The following RFX3 variants were observed in gnomAD, a reference collection of about 807,000 sequenced individuals.
RFX3 encodes the protein transcription factor RFX3.
Under a neutral mutation model 98.6 loss-of-function variants are expected in RFX3, and 14 were observed. The ratio of observed to expected loss-of-function variants is 0.14; its 90% CI spans 0.09 to 0.22. RFX3 has a LOEUF of 0.22. RFX3 is among the 10% of genes least tolerant of loss of function. The pLI, the probability that RFX3 is intolerant of heterozygous loss-of-function variation, is 1.00. For synonymous variants in RFX3, 383 were observed against 328.4 expected (o/e 1.17, Z -1.80); for missense variants, 639 against 926.9 (o/e 0.69, Z 4.03).
intron 15 of RFX3, among the ~76,000 whole-genome samples, chr9:3,237,937 C>T (rs567251687): frequency 2.7e-5 from 4 of 149,562 alleles, no homozygotes; most frequent in African/African-American, 9.9e-5. Context: ...TGTGCCACTG[C>T]ACTCCAGCTT....
At chr9:3,491,219 G>A (rs1157074463) in intron 1 of RFX3, among the ~76,000 whole-genome samples, 1 of 152,084 alleles carries the variant, frequency 6.6e-6, no homozygotes, top group African/African-American at 2.4e-5. Flanking sequence ...GAGATTACTT[G>A]AAGAAGACAG....
chr9:3,285,048 CAAT>C (rs1826399712), intron 7 of RFX3, among the ~76,000 whole-genome samples: 1 of 151,744 alleles, frequency 6.6e-6, no homozygotes. Context: ...CTTATCCCTA[CAAT>C]GACTATAATT....
In RFX3 at chr9:3,495,118, A is replaced by G. The variant is rs866028685; in HGVS notation, c.-9+30629T>C. Among the ~76,000 whole-genome samples the G allele has an allele frequency of 9.2e-5, 14 of 151,410 alleles. 1 individual carries two copies. In the Middle Eastern group the frequency reaches 0.024, roughly 261 times the overall value. On this transcript the variant is annotated intron_variant, in intron 1 of 16. Coordinates refer to ENST00000617270, the MANE Select transcript of RFX3 (RefSeq NM_001282116.2). ...TATGTATGTATATTAATGTATATGT[A>G]TATATATATATTATACTTTCCCCTA...
chr9:3,296,305 G>C (rs1205030446), intron 5 of RFX3, among the ~76,000 whole-genome samples: 1 of 151,646 alleles, frequency 6.6e-6, no homozygotes, highest in Non-Finnish European at 1.5e-5. Context: ...AGCAAACGTT[G>C]GCACAAACTA....
At chr9:3,425,774 T>C (rs1451956883) in intron 1 of RFX3, among the ~76,000 whole-genome samples, 1 of 152,226 alleles carries the variant, frequency 6.6e-6, no homozygotes, top group African/African-American at 2.4e-5. Flanking sequence ...ATTGCAATTA[T>C]ACATATACTA....
intron 1 of RFX3, among the ~76,000 whole-genome samples, chr9:3,463,030 C>T (rs901617113): frequency 6.6e-6 from 1 of 151,996 alleles, no homozygotes; most frequent in South Asian, 2.1e-4. Context: ...CAATCAAAAT[C>T]CCAGTAGGCT....
chr9:3,338,934 C>G lies in RFX3; in HGVS notation c.215+7733G>C, dbSNP rs546365035. The stretch of plus-strand genomic sequence containing the variant: ...GAAACCCTGTCTCTACTAAAAAATA[C>G]AAAAATTAGCCGGGCGTGGTGGCGT... On this transcript the variant is annotated intron_variant, in intron 3 of 16. Transcript: ENST00000617270. Among the ~76,000 whole-genome samples the G allele has an allele frequency of 8.0e-4, 122 of 151,998 alleles. 1 individual carries two copies. The highest frequency in any genetic ancestry group is 2.8e-3 in the African/African-American group (117 of 41,454).
chr9:3,286,465 T>C (rs1826612688), intron 7 of RFX3, among the ~76,000 whole-genome samples: 1 of 151,900 alleles, frequency 6.6e-6, no homozygotes, highest in South Asian at 2.1e-4. Flanking sequence ...ATATCTTTTA[T>C]ATAATAGCCA....
chr9:3,235,104 C>T (rs1416819626), intron 15 of RFX3, among the ~76,000 whole-genome samples: 1 of 152,158 alleles, frequency 6.6e-6, no homozygotes, highest in Non-Finnish European at 1.5e-5. Flanking sequence ...TCGAGAATGA[C>T]AGAAAAGATT....
At chr9:3,412,385 A>G (rs1165944743) in intron 1 of RFX3, among the ~76,000 whole-genome samples, 1 of 152,200 alleles carries the variant, frequency 6.6e-6, no homozygotes, top group Non-Finnish European at 1.5e-5. Context: ...TATAGAATTG[A>G]GCTCTTAAGT....
At chr9:3,337,033 A>G (rs1833272425) in intron 3 of RFX3, among the ~76,000 whole-genome samples, 1 of 152,194 alleles carries the variant, frequency 6.6e-6, no homozygotes, top group Non-Finnish European at 1.5e-5. Flanking sequence ...AGACTATTGT[A>G]AGAAGTTTGG....
chr9:3,471,065 T>C lies in RFX3; in HGVS notation c.-9+54682A>G, dbSNP rs147402221. 2.8e-3 allele frequency among the ~76,000 whole-genome samples: 423 copies of C among 152,346 alleles called. 3 individuals carry two copies. The highest frequency in any genetic ancestry group is 9.9e-3 in the African/African-American group (411 of 41,588). Reference sequence around the variant, plus strand: ...CACAAATCTGTGATGTTGATTATTTTATACAGATGAGAGTACTGAAATTCA... The same window carrying C: ...CACAAATCTGTGATGTTGATTATTTCATACAGATGAGAGTACTGAAATTCA... On this transcript the variant is annotated intron_variant, in intron 1 of 16. Coordinates refer to ENST00000617270, the MANE Select transcript of RFX3 (RefSeq NM_001282116.2).
chr9:3,401,012 G>C (rs189740454), intron 1 of RFX3, among the ~76,000 whole-genome samples: 7 of 152,318 alleles, frequency 4.6e-5, no homozygotes, highest in Admixed American at 2.6e-4. Context: ...AGAAAAGCTA[G>C]AGACTGTTGG....
chr9:3,329,599 T>G (rs1832356110), intron 4 of RFX3, among the ~76,000 whole-genome samples: 1 of 152,138 alleles, frequency 6.6e-6, no homozygotes, highest in Admixed American at 6.5e-5. Context: ...TCTGGTGGAA[T>G]GCAACACGAA....
intron 2 of RFX3, among the ~76,000 whole-genome samples, chr9:3,356,973 GCA>G (rs200669491): frequency 0.029 from 3,702 of 128,516 alleles, 87 homozygotes; most frequent in African/African-American, 0.081. Context: ...GCACACACAC[GCA>G]CACACACACA....
intron 5 of RFX3, among the ~76,000 whole-genome samples, chr9:3,295,445 T>A (rs1440663849): frequency 3.9e-5 from 6 of 152,138 alleles, no homozygotes; most frequent in African/African-American, 1.2e-4. Context: ...CACCTTCTAG[T>A]GGCAGTCTTA....
intron 1 of RFX3, among the ~76,000 whole-genome samples, chr9:3,521,867 G>T (rs1021451934): frequency 2.0e-5 from 3 of 151,940 alleles, no homozygotes; most frequent in Non-Finnish European, 4.4e-5. Context: ...GTTTGACTTG[G>T]GTGTGTAAAA....
intron 7 of RFX3, among the ~76,000 whole-genome samples, chr9:3,285,108 T>A (rs1826407353): frequency 6.6e-6 from 1 of 151,816 alleles, no homozygotes; most frequent in African/African-American, 2.4e-5. Flanking sequence ...AAGTTATATT[T>A]AATTAACAAA....
chr9:3,496,133 G>T (rs146945405), intron 1 of RFX3, among the ~76,000 whole-genome samples: 2 of 151,874 alleles, frequency 1.3e-5, no homozygotes, highest in African/African-American at 4.8e-5. Context: ...AGTCACTTCT[G>T]CTCATACAGA....
Sources: allele counts gnomAD v4.1 joint callset (sites outside exome capture counted in the v4.1 genomes callset), GRCh38; gene constraint gnomAD v4.1.1; transcripts MANE v1.5; gene names NCBI Gene and HGNC (gene_info 2026-07-23, HGNC 2026-07-21).